The following DLEU7 variants were observed in gnomAD, a reference collection of about 807,000 sequenced individuals.
The protein encoded by DLEU7 is deleted in lymphocytic leukemia 7.
In DLEU7, 17 loss-of-function variants were observed where a neutral mutation model predicts 16.0. That is an observed-to-expected ratio of 1.06 (90% CI 0.73 to 1.59). DLEU7 has a LOEUF of 1.59. Among genes scored for constraint, DLEU7 ranks in the 40% most tolerant of loss-of-function variants. The pLI is 0.00. For synonymous variants in DLEU7, 113 were observed against 139.8 expected (o/e 0.81, Z 1.35); for missense variants, 308 against 314.9 (o/e 0.98, Z 0.17).
chr13:50,833,297 C>G (rs1378145893), intron 1 of DLEU7, among the ~76,000 whole-genome samples: 1 of 152,182 alleles, frequency 6.6e-6, no homozygotes, highest in Non-Finnish European at 1.5e-5. Context: ...ATTTAGAAAA[C>G]CCCATCATCT....
chr13:50,727,014 A>C (rs1445132764), intron 1 of DLEU7, among the ~76,000 whole-genome samples: 1 of 152,190 alleles, frequency 6.6e-6, no homozygotes, highest in Non-Finnish European at 1.5e-5. Flanking sequence ...CACTGCACAT[A>C]CCATATATCT....
At chr13:50,757,920 C>T (rs1409473696) in intron 1 of DLEU7, among the ~76,000 whole-genome samples, 4 of 152,040 alleles carry the variant, frequency 2.6e-5, no homozygotes, top group Non-Finnish European at 4.4e-5. Context: ...ATACCAACTC[C>T]ATCATATCTT....
intron 1 of DLEU7, among the ~76,000 whole-genome samples, chr13:50,718,032 A>G (rs944252380): frequency 6.6e-6 from 1 of 152,172 alleles, no homozygotes; most frequent in African/African-American, 2.4e-5. Context: ...GCTTGTTTCC[A>G]ATGCAGAATC....
intron 1 of DLEU7, among the ~76,000 whole-genome samples, chr13:50,768,479 C>G (rs1432300787): frequency 6.8e-6 from 1 of 147,006 alleles, no homozygotes; most frequent in African/African-American, 2.5e-5. Context: ...GTTCCCCTTC[C>G]TGTGTCCAAG....
rs527347948 is a variant in DLEU7 at position 50,802,420 on chromosome 13, TG to T, written c.459+40767del. ...TAGTGCTCCTGACTCTCAAGAAAGC[TG>T]GAGCCAAAAATGAAATTCTTAGATA... On this transcript the variant is annotated intron_variant, in intron 1 of 1. Transcript: ENST00000400393. Among the ~76,000 whole-genome samples the T allele has an allele frequency of 1.1e-3, 163 of 152,306 alleles. 1 individual carries two copies. Among genetic ancestry groups the T allele is most frequent in the African/African-American group, 3.7e-3 (152 of 41,562 alleles).
At chr13:50,753,030 G>A (rs968126726) in intron 1 of DLEU7, among the ~76,000 whole-genome samples, 12 of 152,152 alleles carry the variant, frequency 7.9e-5, no homozygotes, top group African/African-American at 2.9e-4. Flanking sequence ...TACATAAAGA[G>A]TGTTGACACA....
At chr13:50,734,152 G>A (rs2137719257) in intron 1 of DLEU7, among the ~76,000 whole-genome samples, 1 of 152,246 alleles carries the variant, frequency 6.6e-6, no homozygotes, top group Admixed American at 6.5e-5. Context: ...TAGGAGTCCT[G>A]CTCTTCTACT....
intron 1 of DLEU7, among the ~76,000 whole-genome samples, chr13:50,800,227 A>T (rs1876209291): frequency 6.6e-6 from 1 of 152,228 alleles, no homozygotes; most frequent in African/African-American, 2.4e-5. Flanking sequence ...CAGAGGTGGC[A>T]TCTGGAAGTT....
At chr13:50,742,605 C>T (rs1436676402) in intron 1 of DLEU7, among the ~76,000 whole-genome samples, 1 of 152,138 alleles carries the variant, frequency 6.6e-6, no homozygotes, top group African/African-American at 2.4e-5. Flanking sequence ...GAGAAACTCT[C>T]AACCCCAAGG....
chr13:50,767,455 C>CAAAAAAAAAAAA (rs35091007), intron 1 of DLEU7, among the ~76,000 whole-genome samples: 13 of 64,510 alleles, frequency 2.0e-4, no homozygotes, highest in African/African-American at 7.7e-4. Context: ...GACTCCGTCT[C>CAAAAAAAAAAAA]AAAAAAAAAA....
At chr13:50,730,848 A>G (rs1360481638) in intron 1 of DLEU7, among the ~76,000 whole-genome samples, 1 of 152,068 alleles carries the variant, frequency 6.6e-6, no homozygotes, top group Non-Finnish European at 1.5e-5. Context: ...TGTGGGTGTG[A>G]GGTAGGAGAA....
chr13:50,774,251 G>A (rs935467669), intron 1 of DLEU7, among the ~76,000 whole-genome samples: 5 of 152,236 alleles, frequency 3.3e-5, no homozygotes, highest in Admixed American at 6.5e-5. Context: ...ACTCTGCTTC[G>A]TCTCACCCTC....
intron 1 of DLEU7, among the ~76,000 whole-genome samples, chr13:50,716,974 C>T (rs183277183): frequency 2.6e-5 from 4 of 151,996 alleles, no homozygotes; most frequent in Admixed American, 1.3e-4. Flanking sequence ...ATACACATGA[C>T]GCATTTAATT....
At chr13:50,808,191 A>G (rs1876449865) in intron 1 of DLEU7, among the ~76,000 whole-genome samples, 1 of 152,216 alleles carries the variant, frequency 6.6e-6, no homozygotes, top group Non-Finnish European at 1.5e-5. Flanking sequence ...GCTCATTCAA[A>G]TTTGAAATAA....
intron 1 of DLEU7, among the ~76,000 whole-genome samples, chr13:50,728,207 T>TG (rs1160207116): frequency 2.2e-4 from 34 of 152,074 alleles, no homozygotes; most frequent in South Asian, 2.1e-4. Flanking sequence ...TGGGCTTTGG[T>TG]CGGGGGTGGG....
chr13:50,821,477 C>T (rs1876902469), downstream of DLEU7, among the ~76,000 whole-genome samples: 1 of 152,104 alleles, frequency 6.6e-6, no homozygotes, highest in Non-Finnish European at 1.5e-5. Flanking sequence ...GATTTACCAA[C>T]AGCTATGCTA....
At chr13:50,761,248 T>C (rs1169945155) in intron 1 of DLEU7, among the ~76,000 whole-genome samples, 1 of 152,096 alleles carries the variant, frequency 6.6e-6, no homozygotes, top group Non-Finnish European at 1.5e-5. Context: ...GGGCAGAATG[T>C]TTTATAGAGC....
intron 1 of DLEU7, among the ~76,000 whole-genome samples, chr13:50,729,783 A>C (rs1459358517): frequency 6.6e-6 from 1 of 152,086 alleles, no homozygotes; most frequent in Non-Finnish European, 1.5e-5. Context: ...TTCTTTGATG[A>C]TTAGTGATGT....
At chr13:50,768,463 G>T (rs1305048806) in intron 1 of DLEU7, among the ~76,000 whole-genome samples, 1 of 139,610 alleles carries the variant, frequency 7.2e-6, no homozygotes, top group Admixed American at 7.9e-5. Context: ...AGGCCCTGGT[G>T]TTGATGTTCC....
Sources: gnomAD v4.1 joint callset for allele counts (sites outside exome capture counted in the v4.1 genomes callset) on GRCh38, gnomAD v4.1.1 for gene constraint, MANE v1.5 for transcripts, NCBI Gene and HGNC (gene_info 2026-07-23, HGNC 2026-07-21) for gene names.